The following E2F8 variants were observed in gnomAD, a reference collection of about 807,000 sequenced individuals.
E2F8 encodes the protein E2F transcription factor 8, also known as transcription factor E2F8.
A neutral mutation model predicts 80.8 loss-of-function variants in E2F8; 35 were observed. That is an observed-to-expected ratio of 0.43 (90% CI 0.33 to 0.57). E2F8 has a LOEUF of 0.57. Ranked by LOEUF, E2F8 falls within the 20% of genes least tolerant of loss-of-function variation. E2F8 has a pLI of 0.04. For synonymous variants in E2F8, 386 were observed against 395.0 expected, an observed-to-expected ratio of 0.98 and a Z score of 0.27; for missense variants, 975 against 1,056.2, an observed-to-expected ratio of 0.92 and a Z score of 1.07.
Position 19,234,845 on chromosome 11 carries a change from T to C in E2F8, c.665A>G (p.Lys222Arg). The stretch of plus-strand genomic sequence containing the variant: ...GATATGATCCTCTATACTGTAACTC[T>C]TAATAAAGTCAAACTCTTGCTCATA... ...KEYEQEFDFI[K>R]SYSIEDHIIK... Residue 222 changes from lysine to arginine, a missense_variant, in exon 5 of 13, where the codon AAG (lysine) becomes AGG (arginine). Transcript: ENST00000250024. The C allele has an allele frequency of 6.2e-7, 1 of 1,614,254 alleles. No individual in the cohort carries two copies. The highest frequency in any genetic ancestry group is 2.2e-5 in the East Asian group (1 of 44,892).
chr11:19,231,291 G>A (rs1222345065), intron 7 of E2F8, among the ~76,000 whole-genome samples: 2 of 152,100 alleles, frequency 1.3e-5, no homozygotes, highest in Non-Finnish European at 2.9e-5. Flanking sequence ...GGGAGCATGT[G>A]GGCCTGGGAT....
intron 8 of E2F8, 30 bp downstream of exon 8, chr11:19,230,601 A>C (rs781342334): frequency 6.2e-7 from 1 of 1,606,508 alleles, no homozygotes; most frequent in South Asian, 1.1e-5. Flanking sequence ...AATTCTTCCT[A>C]GCAGATCCCT....
Position 19,229,803 on chromosome 11 carries a change from G to A in E2F8, c.1544C>T (p.Ala515Val). ...SSAVPLILPQ[A>V]PSGPSYAIYL... ...GATGGCATAGGATGGGCCTGAAGGG[G>A]CCTGAGGTAGGATCAGGGGCACTGC... Residue 515 changes from alanine (A) to valine (V), a missense_variant, in exon 10 of 13, where the codon GCC becomes GTC. By Grantham distance (64) the Ala-to-Val change is moderately conservative. Transcript: ENST00000250024. This position sits in a 1 kb window ranked among gnomAD's most constrained non-coding sequence, Gnocchi z 4.3. 1.9e-6 allele frequency: 3 copies of A among 1,613,998 alleles called. No individual in the cohort carries two copies. Among genetic ancestry groups the A allele is most frequent in the South Asian group, 2.2e-5 (2 of 91,058 alleles).
chr11:19,235,670 A>C (rs546271504), intron 4 of E2F8, among the ~76,000 whole-genome samples: 1,850 of 119,080 alleles, frequency 0.016, 36 homozygotes, highest in African/African-American at 0.069. Flanking sequence ...AACAAACAAA[A>C]AAAAAAAACG....
At chr11:19,230,021 G>A (rs1245401373) in intron 9 of E2F8, 33 bp from the exon 10 acceptor site, 1 of 1,609,444 alleles carries the variant, frequency 6.2e-7, no homozygotes, top group African/African-American at 1.3e-5. Context: ...CGACATGATG[G>A]ATATACATTT....
At chr11:19,238,883 G>A (rs534151759) in intron 2 of E2F8, among the ~76,000 whole-genome samples, 11 of 152,302 alleles carry the variant, frequency 7.2e-5, no homozygotes, top group Admixed American at 2.6e-4. Context: ...CAGCAATTAT[G>A]TTTGCATCAA....
intron 8 of E2F8, 137 bp from the exon 9 acceptor site, chr11:19,230,465 C>T (rs1256320006): frequency 6.7e-6 from 8 of 1,188,564 alleles, no homozygotes; most frequent in Middle Eastern, 2.0e-4. Context: ...ACAATAAACC[C>T]CACAAATGAC....
In E2F8 at chr11:19,229,623, G is replaced by A; in HGVS notation, c.1724C>T (p.Ala575Val). ...KAANDTSKAS[A>V]STRPGSLLPA... Reference sequence around the variant, plus strand: ...CAGCAAGCTTCCAGGCCTGGTAGAGGCACTGGCCTTTGAGGTATCATTGGC... The same window carrying A: ...CAGCAAGCTTCCAGGCCTGGTAGAGACACTGGCCTTTGAGGTATCATTGGC... The change falls in exon 10 of 13, where the codon GCC becomes GTC. Residue 575 changes from alanine (A) to valine (V), a missense_variant. Coordinates refer to ENST00000250024, the MANE Select transcript of E2F8 (RefSeq NM_024680.4). The surrounding 1 kb of genome is among the most constrained non-coding windows in gnomAD (Gnocchi z 4.3). The A allele has an allele frequency of 6.2e-7, 1 of 1,614,188 alleles. No homozygotes were observed. Among genetic ancestry groups the A allele is most frequent in the Non-Finnish European group, 8.5e-7 (1 of 1,180,040 alleles).
Position 19,229,543 on chromosome 11 carries a change from T to C in E2F8, c.1804A>G (p.Arg602Gly). Residue 602 changes from arginine (R) to glycine (G), a missense_variant, in exon 10 of 13, where the codon AGA (arginine) becomes GGA (glycine). By Grantham distance (125) the Arg-to-Gly change is moderately radical (BLOSUM62 -2). Transcript: ENST00000250024. The surrounding 1 kb of genome is among the most constrained non-coding windows in gnomAD (Gnocchi z 4.3). ...KSRTREPAGE[R>G]GSKRASMLED... ...AGCATGCTTGCCCTCTTTGAGCCTC[T>C]TTCTCCAGCTGGCTCCCTGGTTCGG... The C allele has an allele frequency of 6.2e-7, 1 of 1,614,262 alleles. No homozygotes were observed. Among genetic ancestry groups the C allele is most frequent in the African/African-American group, 1.3e-5 (1 of 75,074 alleles).
Position 19,229,944 on chromosome 11 carries a change from G to A in E2F8, c.1403C>T (p.Pro468Leu). 6.2e-7 allele frequency: 1 copy of A among 1,613,908 alleles called. No homozygotes were observed. Among genetic ancestry groups the A allele is most frequent in the South Asian group, 1.1e-5 (1 of 91,066 alleles). The change falls in exon 10 of 13, where the codon CCC becomes CTC. Residue 468 changes from proline to leucine, a missense_variant. Transcript: ENST00000250024. The surrounding 1 kb of genome is among the most constrained non-coding windows in gnomAD (Gnocchi z 4.3). ...KVKVQLARSG[P>L]CKPVAPLDPP... The stretch of plus-strand genomic sequence containing the variant: ...GTCCAGAGGGGCTACTGGTTTGCAG[G>A]GTCCAGATCTTGCCAGCTGTACTTT...
chr11:19,234,683 C>T, intron 5 of E2F8, 61 bp downstream of exon 5: 2 of 1,553,220 alleles, frequency 1.3e-6, no homozygotes, highest in Middle Eastern at 1.8e-4. Context: ...CTCCACAGAA[C>T]CTTTTCCTTA....
rs10558787 is a variant in E2F8 at position 19,224,469 on chromosome 11, ATGTGTG to A, written c.*183_*188del. ...GCTAAACTTAGCTTTATACAAATAT[ATGTGTG>A]TGTGTGTGTGTGTGTGTGTGTGTAT... On this transcript the variant is annotated 3_prime_UTR_variant, in exon 13 of 13. Coordinates refer to ENST00000250024, the MANE Select transcript of E2F8 (RefSeq NM_024680.4). 592 of 360,190 alleles carry A rather than the reference ATGTGTG, an allele frequency of 1.6e-3. No homozygotes were observed. The highest frequency in any genetic ancestry group is 3.1e-3 in the South Asian group (40 of 12,768). The allele number at this position is 360,190 out of a possible 1,614,324, so 22.3% of individuals were successfully genotyped here. A position where few individuals can be genotyped will look rare whatever the true frequency, so the allele number is the denominator to read the frequency against.
intron 4 of E2F8, 85 bp downstream of exon 4, chr11:19,237,229 G>C: frequency 1.6e-6 from 2 of 1,284,056 alleles, no homozygotes; most frequent in Non-Finnish European, 2.2e-6. Flanking sequence ...ACAAACACTG[G>C]CTAGATGAGC....
At chr11:19,232,832 A>G (rs1851416235) in intron 6 of E2F8, among the ~76,000 whole-genome samples, 1 of 152,224 alleles carries the variant, frequency 6.6e-6, no homozygotes, top group African/African-American at 2.4e-5. Flanking sequence ...TCTGTACTCC[A>G]TCAACATGTG....
chr11:19,228,412 A>G (rs917431364), intron 10 of E2F8, among the ~76,000 whole-genome samples: 1 of 152,260 alleles, frequency 6.6e-6, no homozygotes, highest in African/African-American at 2.4e-5. Context: ...AATACCTTTC[A>G]GCTTATAACA....
chr11:19,225,632 G>A lies in E2F8; in HGVS notation c.2027-17C>T. On this transcript the variant is annotated splice_polypyrimidine_tract_variant and intron_variant, in intron 11 of 12. Coordinates refer to ENST00000250024, the MANE Select transcript of E2F8 (RefSeq NM_024680.4). ...GAATAACACCTGGAAGGAAAAGGGGGAAGATATCTTAAAAGCACAGGCATT... is the reference window on the plus strand; with the variant it reads ...GAATAACACCTGGAAGGAAAAGGGGAAAGATATCTTAAAAGCACAGGCATT... 2 of 1,611,360 alleles carry A rather than the reference G, an allele frequency of 1.2e-6. No homozygotes were observed. Among genetic ancestry groups the A allele is most frequent in the Non-Finnish European group, 1.7e-6 (2 of 1,177,832 alleles).
At chr11:19,224,995 C>T (rs1851191378) in intron 12 of E2F8, 155 bp from the exon 13 acceptor site, 1 of 1,142,678 alleles carries the variant, frequency 8.8e-7, no homozygotes, top group African/African-American at 1.6e-5. Context: ...GTTTTACATT[C>T]TCAATTATTT....
Position 19,235,076 on chromosome 11 carries a change from T to C in E2F8, c.452-18A>G. On this transcript the variant is annotated intron_variant, in intron 4 of 12. Coordinates refer to ENST00000250024, the MANE Select transcript of E2F8 (RefSeq NM_024680.4). ...TTCAACATCTACAAAGAATGTGCAA[T>C]TGTGTGTTACAGATTTTTGTAACGT... 2 of 1,579,824 alleles carry C rather than the reference T, an allele frequency of 1.3e-6. No individual in the cohort carries two copies. Among genetic ancestry groups the C allele is most frequent in the Non-Finnish European group, 8.6e-7 (1 of 1,163,308 alleles).
Position 19,225,830 on chromosome 11 carries a change from G to C in E2F8, c.1928C>G (p.Thr643Arg). The change falls in exon 11 of 13, where the codon ACG (threonine) becomes AGG (arginine). Residue 643 changes from threonine (T) to arginine (R), a missense_variant. By Grantham distance (71) the Thr-to-Arg change is moderately conservative. Coordinates refer to ENST00000250024, the MANE Select transcript of E2F8 (RefSeq NM_024680.4). ...LFPSGYLIPL[T>R]QCSSLGAESI... ...CTCTGCCCCCAGGGATGAGCACTGC[G>C]TGAGAGGGATTAGGTATCCTGATGG... is the stretch of plus-strand genomic sequence containing the variant. 1.2e-6 allele frequency: 2 copies of C among 1,614,206 alleles called. No individual in the cohort carries two copies. The highest frequency in any genetic ancestry group is 1.7e-6 in the Non-Finnish European group (2 of 1,180,030).
Sources: gnomAD v4.1 joint callset for allele counts (sites outside exome capture counted in the v4.1 genomes callset) on GRCh38, gnomAD v4.1.1 for gene constraint, Gnocchi (gnomAD v3.1) non-coding constraint, MANE v1.5 for transcripts, NCBI Gene and HGNC (gene_info 2026-07-23, HGNC 2026-07-21) for gene names.